Variants in COL12A1 observed in about 807,000 individuals in gnomAD.
The protein encoded by COL12A1 is collagen alpha-1(XII) chain.
Under a neutral mutation model 349.7 loss-of-function variants are expected in COL12A1, and 114 were observed. The observed-to-expected ratio is 0.33, with a 90% CI of 0.28 to 0.38. The LOEUF is 0.38. Ranked by LOEUF, COL12A1 falls within the 10% of genes least tolerant of loss-of-function variation. COL12A1 has a pLI of 1.00. For synonymous variants in COL12A1, 1,369 were observed against 1,329.0 expected (o/e 1.03, Z -0.66); for missense variants, 3,284 against 3,756.9 (o/e 0.87, Z 3.29).
At position 75,155,854 on chromosome 6, in the gene COL12A1, G is replaced by A; in HGVS notation, c.3251C>T (p.Ala1084Val). The change falls in exon 16 of 66, where the codon GCT (alanine) becomes GTT (valine). Residue 1084 changes from alanine to valine, a missense_variant and splice_region_variant. Transcript: ENST00000322507. ...GKLRQGSGTT[A>V]SRFKSPRNLK... ...GTTTCTAGGAGACTTAAACCGAGAAGCTGTAAAGACAAAAAGATTTTTAAA... is the reference window on the plus strand; with the variant it reads ...GTTTCTAGGAGACTTAAACCGAGAAACTGTAAAGACAAAAAGATTTTTAAA... 1 of 1,586,552 alleles carries A rather than the reference G, an allele frequency of 6.3e-7. No homozygotes were observed. The highest frequency in any genetic ancestry group is 1.4e-5 in the African/African-American group (1 of 72,828).
chr6:75,168,116 C>T (rs537001298), intron 13 of COL12A1, among the ~76,000 whole-genome samples: 8 of 152,234 alleles, frequency 5.3e-5, no homozygotes, highest in Admixed American at 3.9e-4. Context: ...ATAGTTCAAT[C>T]GAGACACCAC....
chr6:75,199,626 G>T (rs1217460013), intron 2 of COL12A1, among the ~76,000 whole-genome samples: 1 of 152,104 alleles, frequency 6.6e-6, no homozygotes, highest in Non-Finnish European at 1.5e-5. Context: ...TTTTCTACAG[G>T]ATAATTAACA....
chr6:75,112,480 T>A (rs1768887768), intron 51 of COL12A1, among the ~76,000 whole-genome samples: 1 of 151,714 alleles, frequency 6.6e-6, no homozygotes, highest in Non-Finnish European at 1.5e-5. Flanking sequence ...AAGTGCTTCT[T>A]ATTTGTCAAC....
intron 54 of COL12A1, among the ~76,000 whole-genome samples, chr6:75,104,903 A>G (rs1768472865): frequency 6.6e-6 from 1 of 152,226 alleles, no homozygotes. Flanking sequence ...AGGAATTTTC[A>G]GTCATGTAAT....
In COL12A1 at chr6:75,180,997, A is replaced by G. The variant is rs767524831; in HGVS notation, c.2106T>C (p.Thr702=). 2 of 1,614,112 alleles carry G rather than the reference A, an allele frequency of 1.2e-6. No homozygotes were observed. The highest frequency in any genetic ancestry group is 4.5e-5 in the East Asian group (2 of 44,882). The change falls in exon 11 of 66, where the codon ACT becomes ACC. Residue 702 remains threonine, a synonymous_variant. Coordinates refer to ENST00000322507, the MANE Select transcript of COL12A1 (RefSeq NM_004370.6). ...TGCTGAAGCCATCCTCATACTCCGCAGTCACATTGACCAAATACAAGGTCT... is the reference window on the plus strand; with the variant it reads ...TGCTGAAGCCATCCTCATACTCCGCGGTCACATTGACCAAATACAAGGTCT... ...KPETLYLVNV[T]AEYEDGFSIP...
At chr6:75,112,816 G>A (rs2149357603) in intron 51 of COL12A1, among the ~76,000 whole-genome samples, 1 of 151,378 alleles carries the variant, frequency 6.6e-6, no homozygotes, top group Admixed American at 6.6e-5. Flanking sequence ...TCACTGGCAT[G>A]TTTGTACTTT....
At chr6:75,150,754 C>G (rs1767438521) in intron 21 of COL12A1, among the ~76,000 whole-genome samples, 1 of 152,108 alleles carries the variant, frequency 6.6e-6, no homozygotes, top group Non-Finnish European at 1.5e-5. Flanking sequence ...CTCTCCTTCC[C>G]TCTCTTCCTA....
At position 75,119,128 on chromosome 6, in the gene COL12A1, C is replaced by T. The variant is rs776372586; in HGVS notation, c.7269G>A (p.Lys2423=). The T allele has an allele frequency of 1.9e-6, 3 of 1,614,022 alleles. No individual in the cohort carries two copies. Among genetic ancestry groups the T allele is most frequent in the South Asian group, 1.1e-5 (1 of 91,084 alleles). The part of the protein sequence containing the change: ...KVLTWESGMR[K]NVPKVLVVVT... ...CCACAACCAACACCTTAGGGACATT[C>T]TTCCTCATGCCGCTCTCCCAAGTCA... The change falls in exon 46 of 66, where the codon AAG becomes AAA. Residue 2423 remains lysine, a synonymous_variant. Transcript: ENST00000322507.
At chr6:75,127,774 TA>T (rs1221212098) in intron 38 of COL12A1, among the ~76,000 whole-genome samples, 1 of 152,272 alleles carries the variant, frequency 6.6e-6, no homozygotes, top group South Asian at 2.1e-4. Flanking sequence ...CAGTATAGTG[TA>T]AAAATGGGTC....
chr6:75,123,268 C>A (rs909325645), intron 43 of COL12A1, 62 bp downstream of exon 43: 3 of 1,323,164 alleles, frequency 2.3e-6, no homozygotes, highest in South Asian at 2.5e-5. Flanking sequence ...GCACATGCAG[C>A]GTAAATAAGA....
rs557649847 is a variant in COL12A1, at chr6:75,094,965, A to G, written c.8649+143T>C. The G allele has an allele frequency of 1.1e-5, 8 of 710,286 alleles. No homozygotes were observed. In the East Asian group the frequency reaches 2.4e-4, roughly 21 times the overall value. The allele number at this position is 710,286 out of a possible 1,614,324, so 44.0% of individuals were successfully genotyped here. A position where few individuals can be genotyped will look rare whatever the true frequency, so the allele number is the denominator to read the frequency against. The stretch of plus-strand genomic sequence containing the variant: ...AAAATTTTGAACTAGTACCAAGTCA[A>G]ATCCATGAGTTTAGCATGGTTTCAA... On this transcript the variant is annotated intron_variant, in intron 60 of 65. Transcript: ENST00000322507.
Position 75,183,525 on chromosome 6 carries a change from A to G in COL12A1, c.1416T>C (p.Ile472=), listed in dbSNP as rs1242358815. 1.6e-5 allele frequency: 26 copies of G among 1,614,168 alleles called. No homozygotes were observed. The highest frequency in any genetic ancestry group is 2.1e-5 in the Non-Finnish European group (25 of 1,180,028). The part of the protein sequence containing the change: ...FLEVLVKSFE[I]SPNRVQISLV... Reference sequence around the variant, plus strand: ...GACTAATCTGGACCCTATTTGGTGAAATTTCAAAACTTTTTACAAGAACTT... The same window carrying G: ...GACTAATCTGGACCCTATTTGGTGAGATTTCAAAACTTTTTACAAGAACTT... Residue 472 remains isoleucine, a synonymous_variant, in exon 10 of 66, where the codon ATT becomes ATC. Transcript: ENST00000322507.
intron 63 of COL12A1, 29 bp from the exon 64 acceptor site, chr6:75,089,203 G>T (rs769877295): frequency 1.3e-6 from 2 of 1,521,944 alleles, no homozygotes; most frequent in African/African-American, 2.8e-5. Flanking sequence ...AGAAAGCACA[G>T]GGGAAAAATT....
chr6:75,173,419 C>A (rs1768745667), intron 13 of COL12A1, among the ~76,000 whole-genome samples: 1 of 151,884 alleles, frequency 6.6e-6, no homozygotes, highest in Non-Finnish European at 1.5e-5. Flanking sequence ...TCTTGTTGCC[C>A]AGCCTGGAGT....
chr6:75,100,562 C>T (rs185406179), intron 58 of COL12A1, among the ~76,000 whole-genome samples: 33 of 152,308 alleles, frequency 2.2e-4, no homozygotes, highest in African/African-American at 7.9e-4. Flanking sequence ...TCCCATATCC[C>T]AGAAAATACA....
In COL12A1 at chr6:75,199,470, T is replaced by C. The variant is rs74397824; in HGVS notation, c.73+3250A>G. Among the ~76,000 whole-genome samples, 1,194 of 152,340 alleles carry C rather than the reference T, an allele frequency of 7.8e-3. 45 individuals are homozygous for C. In the East Asian group the frequency reaches 0.12, roughly 16 times the overall value. Reference sequence around the variant, plus strand: ...ATTGATAATATTCAATTGTTCATTATATATTATAAACTATAAATCAGACTA... The same window carrying C: ...ATTGATAATATTCAATTGTTCATTACATATTATAAACTATAAATCAGACTA... On this transcript the variant is annotated intron_variant, in intron 2 of 65. Coordinates refer to ENST00000322507, the MANE Select transcript of COL12A1 (RefSeq NM_004370.6).
In COL12A1 at chr6:75,117,464, G is replaced by A. The variant is rs775670738; in HGVS notation, c.7437C>T (p.His2479=). ...ATTCAAAGTCGTCCACAATGAACAC[G>A]TGCCGTTCACTTGGTTTGCTGGCAA... is the stretch of plus-strand genomic sequence containing the variant. The part of the protein sequence containing the change: ...ANIASKPSER[H]VFIVDDFESF... The change falls in exon 47 of 66, where the codon CAC becomes CAT. Residue 2479 remains histidine (H), a synonymous_variant. Transcript: ENST00000322507. 9.9e-6 allele frequency: 16 copies of A among 1,613,590 alleles called. No individual in the cohort carries two copies. The highest frequency in any genetic ancestry group is 8.9e-5 in the East Asian group (4 of 44,880).
rs760913036 is a variant in COL12A1 at position 75,086,192 on chromosome 6, GTTAA to G, written c.*351_*354del. 70 of 157,906 alleles carry G rather than the reference GTTAA, an allele frequency of 4.4e-4. No homozygotes were observed. The highest frequency in any genetic ancestry group is 7.0e-4 in the Non-Finnish European group (50 of 71,716). The allele number at this position is 157,906 out of a possible 1,614,324, so 9.8% of individuals were successfully genotyped here. A position where few individuals can be genotyped will look rare whatever the true frequency, so the allele number is the denominator to read the frequency against. Reference sequence around the variant, plus strand: ...ACATAAGACATTTCTCTTTAACCAGGTTAATTGTTTTTCTTAAAATGGCATAGAC... The same window carrying G: ...ACATAAGACATTTCTCTTTAACCAGGTTGTTTTTCTTAAAATGGCATAGAC... On this transcript the variant is annotated 3_prime_UTR_variant, in exon 66 of 66. Coordinates refer to ENST00000322507, the MANE Select transcript of COL12A1 (RefSeq NM_004370.6).
chr6:75,154,388 C>A, intron 17 of COL12A1, 28 bp downstream of exon 17: 2 of 1,603,844 alleles, frequency 1.2e-6, no homozygotes, highest in Non-Finnish European at 1.7e-6. Context: ...AAGTTGTTTT[C>A]CTCAAGGAAT....
Sources: allele counts gnomAD v4.1 joint callset (sites outside exome capture counted in the v4.1 genomes callset), GRCh38; gene constraint gnomAD v4.1.1; transcripts MANE v1.5; gene names NCBI Gene and HGNC (gene_info 2026-07-23, HGNC 2026-07-21).